TBC1D10B: variants seen among roughly 807,000 people sequenced by gnomAD.
The protein encoded by TBC1D10B is TBC1 domain family member 10B.
TBC1D10B carries 25 observed loss-of-function variants against 78.4 expected under a neutral mutation model. The observed-to-expected ratio is 0.32, with a 90% CI of 0.23 to 0.45. The LOEUF is 0.45. Among genes scored for constraint, TBC1D10B ranks in the 20% least tolerant of loss-of-function variants. The probability of loss-of-function intolerance (pLI) is 1.00; values close to 1 mark genes in which losing one functional copy is unlikely to be tolerated. For missense variants in TBC1D10B, 996 were observed against 1,104.8 expected, an observed-to-expected ratio of 0.90 and a Z score of 1.40; for synonymous variants, 517 against 478.0, an observed-to-expected ratio of 1.08 and a Z score of -1.06.
In TBC1D10B at chr16:30,358,088, C is replaced by G. The variant is rs1567410574; in HGVS notation, c.2283G>C (p.Glu761Asp). The G allele has an allele frequency of 1.3e-6, 2 of 1,550,328 alleles. No individual in the cohort carries two copies. The change falls in exon 9 of 9, where the codon GAG (glutamate) becomes GAC (aspartate). Residue 761 changes from glutamate (E) to aspartate (D), a missense_variant. Physicochemically the swap from Glu to Asp is conservative, Grantham distance 45. This residue lies in a region of TBC1D10B where 285 missense variants were observed against 252.5 expected (regional missense o/e 1.13). Transcript: ENST00000409939. Reference sequence around the variant, plus strand: ...GCTTCTGCCGCTCCTTCTCCTGCTTCTCTCGCTCCTTTTCCTGCTTCTCTC... The same window carrying G: ...GCTTCTGCCGCTCCTTCTCCTGCTTGTCTCGCTCCTTTTCCTGCTTCTCTC... ...KEREKQEKER[E>D]KQEKERQKQE...
In TBC1D10B at chr16:30,357,789, T is replaced by C. The variant is rs187107573; in HGVS notation, c.*155A>G. 252 of 1,017,472 alleles carry C rather than the reference T, an allele frequency of 2.5e-4. No individual in the cohort carries two copies. Among genetic ancestry groups the C allele is most frequent in the Middle Eastern group, 2.2e-3 (7 of 3,122 alleles). The allele number at this position is 1,017,472 out of a possible 1,614,324, so 63.0% of individuals were successfully genotyped here. On this transcript the variant is annotated 3_prime_UTR_variant, in exon 9 of 9. Coordinates refer to ENST00000409939, the MANE Select transcript of TBC1D10B (RefSeq NM_015527.4). Reference sequence around the variant, plus strand: ...TGCAGCTGCCCATCTGTCCTGCCCGTGTAGGGATCAGCAGCTGGCGAGGAG... The same window carrying C: ...TGCAGCTGCCCATCTGTCCTGCCCGCGTAGGGATCAGCAGCTGGCGAGGAG...
chr16:30,370,207 C>A lies in TBC1D10B; in HGVS notation c.-24G>T, dbSNP rs1327728547. 63 of 1,124,322 alleles carry A rather than the reference C, an allele frequency of 5.6e-5. No homozygotes were observed. Among genetic ancestry groups the A allele is most frequent in the Non-Finnish European group, 6.7e-5 (61 of 913,416 alleles). The allele number at this position is 1,124,322 out of a possible 1,614,324, so 69.6% of individuals were successfully genotyped here. A position where few individuals can be genotyped will look rare whatever the true frequency, so the allele number is the denominator to read the frequency against. ...ATGGCCGCGGGCCGCCCCTCACATCCCCCCGCCGGGGAGGCCGCAGAAGGC... is the reference window on the plus strand; with the variant it reads ...ATGGCCGCGGGCCGCCCCTCACATCACCCCGCCGGGGAGGCCGCAGAAGGC... On this transcript the variant is annotated 5_prime_UTR_variant, in exon 1 of 9. Coordinates refer to ENST00000409939, the MANE Select transcript of TBC1D10B (RefSeq NM_015527.4).
At position 30,369,546 on chromosome 16, in the gene TBC1D10B, G is replaced by T; in HGVS notation, c.638C>A (p.Pro213His). The T allele has an allele frequency of 1.3e-6, 2 of 1,545,188 alleles. No individual in the cohort carries two copies. Among genetic ancestry groups the T allele is most frequent in the Non-Finnish European group, 1.7e-6 (2 of 1,144,108 alleles). ...AGAGGGGCCTGTGCCAGGGCCTGAG[G>T]GGTCCTCAGGAGCCTGTCCTGCTGA... ...SASAGQAPED[P>H]SGPGTGPSGT... Residue 213 changes from proline (P) to histidine (H), a missense_variant, in exon 1 of 9, where the codon CCC (proline) becomes CAC (histidine). Physicochemically the swap from Pro to His is moderately conservative, Grantham distance 77 (BLOSUM62 -2). Coordinates refer to ENST00000409939, the MANE Select transcript of TBC1D10B (RefSeq NM_015527.4). The surrounding 1 kb of genome is among the most constrained non-coding windows in gnomAD (Gnocchi z 4.3).
At position 30,369,811 on chromosome 16, in the gene TBC1D10B, C is replaced by T; in HGVS notation, c.373G>A (p.Ala125Thr). The T allele has an allele frequency of 7.0e-7, 1 of 1,421,932 alleles. No homozygotes were observed. The highest frequency in any genetic ancestry group is 9.2e-7 in the Non-Finnish European group (1 of 1,087,936). 88.1% of individuals were successfully genotyped at this position (1,421,932 alleles called of 1,614,324 possible). A position where few individuals can be genotyped will look rare whatever the true frequency, so the allele number is the denominator to read the frequency against. Residue 125 changes from alanine (A) to threonine (T), a missense_variant, in exon 1 of 9, where the codon GCT becomes ACT. By Grantham distance (58) the Ala-to-Thr change is moderately conservative. Around this residue, in one of 5 missense-constraint regions of TBC1D10B, gnomAD observed 448 missense variants for 442.1 expected, o/e 1.01. Transcript: ENST00000409939. The surrounding 1 kb of genome is among the most constrained non-coding windows in gnomAD (Gnocchi z 4.3). ...GGCGAGTCTGCCCCTGCGGCCAGAGCCCTCGATGTCTCAACTCCAGCCACT... is the reference window on the plus strand; with the variant it reads ...GGCGAGTCTGCCCCTGCGGCCAGAGTCCTCGATGTCTCAACTCCAGCCACT... ...AAVAGVETSR[A>T]LAAGADSPKT...
At chr16:30,368,215 C>T (rs2049651558) in intron 1 of TBC1D10B, among the ~76,000 whole-genome samples, 1 of 152,142 alleles carries the variant, frequency 6.6e-6, no homozygotes, top group African/African-American at 2.4e-5. Flanking sequence ...GGGCTTCCCC[C>T]GATCCCTGCA....
chr16:30,359,455 C>T (rs2049584745), intron 6 of TBC1D10B, 83 bp downstream of exon 6: 1 of 1,547,724 alleles, frequency 6.5e-7, no homozygotes, highest in African/African-American at 1.4e-5. Flanking sequence ...GCCGGGAAGG[C>T]CAGGGTGGGG....
chr16:30,366,645 A>C (rs1023858334), intron 1 of TBC1D10B: 1 of 152,116 alleles, frequency 6.6e-6, no homozygotes, highest in Admixed American at 6.6e-5. Context: ...TCCTCCCTGA[A>C]ATCACCCCAG....
chr16:30,362,173 C>T (rs956416475), intron 4 of TBC1D10B, among the ~76,000 whole-genome samples: 3 of 151,816 alleles, frequency 2.0e-5, no homozygotes, highest in East Asian at 1.9e-4. Context: ...TTAGTAGAGA[C>T]GGGGTTTCAC....
Position 30,357,530 on chromosome 16 carries a change from G to A in TBC1D10B, c.*414C>T, listed in dbSNP as rs775232055. The A allele has an allele frequency of 8.9e-6, 2 of 225,248 alleles. No homozygotes were observed. The highest frequency in any genetic ancestry group is 8.9e-5 in the South Asian group (1 of 11,210). The allele number at this position is 225,248 out of a possible 1,614,324, so 14.0% of individuals were successfully genotyped here. On this transcript the variant is annotated 3_prime_UTR_variant, in exon 9 of 9. Coordinates refer to ENST00000409939, the MANE Select transcript of TBC1D10B (RefSeq NM_015527.4). ...AGAATGAGAGCCCTGGCCAGGAAGT[G>A]GGGGAGACAGGGAGGGCTGAAGACA...
chr16:30,365,107 C>T lies in TBC1D10B; in HGVS notation c.1162G>A (p.Glu388Lys), dbSNP rs751571749. 1 of 1,614,012 alleles carries T rather than the reference C, an allele frequency of 6.2e-7. No individual in the cohort carries two copies. Among genetic ancestry groups the T allele is most frequent in the Non-Finnish European group, 8.5e-7 (1 of 1,179,886 alleles). ...CCACACCTTGGAGCTGCACGCACCTCAAACTTTCCTGGGTTCTGCTCCAGA... is the reference window on the plus strand; with the variant it reads ...CCACACCTTGGAGCTGCACGCACCTTAAACTTTCCTGGGTTCTGCTCCAGA... ...ELLEQNPGKF[E>K]ELERAPGDPK... is the part of the protein sequence containing the mutation. The change falls in exon 3 of 9, where the codon GAG becomes AAG. Residue 388 changes from glutamate (E) to lysine (K), a missense_variant and splice_region_variant. By Grantham distance (56) the Glu-to-Lys change is moderately conservative. Transcript: ENST00000409939. This position sits in a 1 kb window ranked among gnomAD's most constrained non-coding sequence, Gnocchi z 5.0.
At chr16:30,359,445 G>T in intron 6 of TBC1D10B, 84 bp from the exon 7 acceptor site, 1 of 1,546,124 alleles carries the variant, frequency 6.5e-7, no homozygotes, top group Non-Finnish European at 8.8e-7. Flanking sequence ...GTGGGCAGAA[G>T]CCGGGAAGGC....
chr16:30,362,002 A>G (rs1287263165), intron 4 of TBC1D10B, among the ~76,000 whole-genome samples: 1 of 152,036 alleles, frequency 6.6e-6, no homozygotes, highest in Non-Finnish European at 1.5e-5. Context: ...GCCCGCCACC[A>G]TGCCTGGCTA....
intron 1 of TBC1D10B, among the ~76,000 whole-genome samples, chr16:30,368,908 G>A (rs1028943511): frequency 6.6e-6 from 1 of 152,158 alleles, no homozygotes; most frequent in Non-Finnish European, 1.5e-5. Flanking sequence ...ATGACCTCAG[G>A]TATCATCTCA....
In TBC1D10B at chr16:30,365,566, G is replaced by A. The variant is rs1330620372; in HGVS notation, c.985C>T (p.Arg329Trp). 8.1e-6 allele frequency: 13 copies of A among 1,614,006 alleles called. No individual in the cohort carries two copies. Among genetic ancestry groups the A allele is most frequent in the Admixed American group, 5.0e-5 (3 of 60,028 alleles). Residue 329 changes from arginine (R) to tryptophan (W), a missense_variant, in exon 2 of 9, where the codon CGG becomes TGG. Around this residue, in one of 5 missense-constraint regions of TBC1D10B, gnomAD observed 93 missense variants for 152.7 expected, o/e 0.61. Coordinates refer to ENST00000409939, the MANE Select transcript of TBC1D10B (RefSeq NM_015527.4). This position sits in a 1 kb window ranked among gnomAD's most constrained non-coding sequence, Gnocchi z 5.0. ...TCCAGCCATTTGAGCTCCCGCTGCC[G>A]AGCCACGTCCACGGGAATGGAGCTC... ...LESSIPVDVARQRELKWLDMF... is the reference protein window; with the variant it reads ...LESSIPVDVAWQRELKWLDMF...
chr16:30,362,993 C>T (rs974334063), intron 4 of TBC1D10B, among the ~76,000 whole-genome samples: 1 of 152,136 alleles, frequency 6.6e-6, no homozygotes, highest in Non-Finnish European at 1.5e-5. Context: ...CCCGAGGTGG[C>T]GCCACTGCAT....
In TBC1D10B at chr16:30,370,155, G is replaced by A; in HGVS notation, c.29C>T (p.Ala10Val). Residue 10 changes from alanine to valine, a missense_variant, in exon 1 of 9, where the codon GCC becomes GTC. Physicochemically the swap from Ala to Val is moderately conservative, Grantham distance 64. Around this residue, in one of 5 missense-constraint regions of TBC1D10B, gnomAD observed 448 missense variants for 442.1 expected, o/e 1.01. Coordinates refer to ENST00000409939, the MANE Select transcript of TBC1D10B (RefSeq NM_015527.4). METGTAPLV[A>V]PPRRHGAPAA... ...GGGGGCGCCATGACGGCGCGGCGGGGCCACCAGGGGCGCCGTGCCCGTCTC... is the reference window on the plus strand; with the variant it reads ...GGGGGCGCCATGACGGCGCGGCGGGACCACCAGGGGCGCCGTGCCCGTCTC... 1 of 1,188,080 alleles carries A rather than the reference G, an allele frequency of 8.4e-7. No homozygotes were observed. Among genetic ancestry groups the A allele is most frequent in the South Asian group, 4.2e-5 (1 of 24,004 alleles). 73.6% of individuals were successfully genotyped at this position (1,188,080 alleles called of 1,614,324 possible). A position where few individuals can be genotyped will look rare whatever the true frequency, so the allele number is the denominator to read the frequency against.
At chr16:30,368,424 G>A (rs1414568095) in intron 1 of TBC1D10B, among the ~76,000 whole-genome samples, 1 of 152,128 alleles carries the variant, frequency 6.6e-6, no homozygotes, top group Non-Finnish European at 1.5e-5. Context: ...TTTATCCTTA[G>A]CACCTGGGGC....
rs777940968 is a variant in TBC1D10B, at chr16:30,358,092, C to T, written c.2279G>A (p.Arg760Gln). 9 of 1,550,456 alleles carry T rather than the reference C, an allele frequency of 5.8e-6. No individual in the cohort carries two copies. Among genetic ancestry groups the T allele is most frequent in the South Asian group, 4.8e-5 (4 of 83,866 alleles). Residue 760 changes from arginine (R) to glutamine (Q), a missense_variant, in exon 9 of 9, where the codon CGA becomes CAA. Arg to Gln is a conservative substitution (Grantham distance 43, BLOSUM62 1). This residue lies in a region of TBC1D10B where 285 missense variants were observed against 252.5 expected (regional missense o/e 1.13). Coordinates refer to ENST00000409939, the MANE Select transcript of TBC1D10B (RefSeq NM_015527.4). Reference protein sequence around the residue: ...EKEREKQEKEREKQEKERQKQ... With the variant: ...EKEREKQEKEQEKQEKERQKQ... The stretch of plus-strand genomic sequence containing the variant: ...CTGCCGCTCCTTCTCCTGCTTCTCT[C>T]GCTCCTTTTCCTGCTTCTCTCGCTC...
Position 30,369,719 on chromosome 16 carries a change from C to A in TBC1D10B, c.465G>T (p.Arg155Ser). Reference sequence around the variant, plus strand: ...CACCAGGAGCCGTTCTGGAAGGGGTCCTGGTAGGGGTCCCGGTGGGGGTCC... The same window carrying A: ...CACCAGGAGCCGTTCTGGAAGGGGTACTGGTAGGGGTCCCGGTGGGGGTCC... ...GPGTPTGTPT[R>S]TPSRTAPGAL... Residue 155 changes from arginine (R) to serine (S), a missense_variant, in exon 1 of 9, where the codon AGG (arginine) becomes AGT (serine). Coordinates refer to ENST00000409939, the MANE Select transcript of TBC1D10B (RefSeq NM_015527.4). The surrounding 1 kb of genome is among the most constrained non-coding windows in gnomAD (Gnocchi z 4.3). The A allele has an allele frequency of 1.3e-6, 2 of 1,486,866 alleles. No individual in the cohort carries two copies. The highest frequency in any genetic ancestry group is 1.8e-6 in the Non-Finnish European group (2 of 1,117,596). 92.1% of individuals were successfully genotyped at this position (1,486,866 alleles called of 1,614,324 possible).
Sources: gnomAD v4.1 joint callset for allele counts (sites outside exome capture counted in the v4.1 genomes callset) on GRCh38, gnomAD v4.1.1 for gene constraint, gnomAD v4.1.1 regional missense constraint, Gnocchi (gnomAD v3.1) non-coding constraint, MANE v1.5 for transcripts, NCBI Gene and HGNC (gene_info 2026-07-23, HGNC 2026-07-21) for gene names.